FBXO38: variants seen among roughly 807,000 people sequenced by gnomAD.
FBXO38 encodes F-box only protein 38.
FBXO38 carries 53 observed loss-of-function variants against 131.9 expected under a neutral mutation model. The observed-to-expected ratio is 0.40, with a 90% CI of 0.32 to 0.51. The LOEUF (loss-of-function observed/expected upper bound fraction) is 0.51. Among genes scored for constraint, FBXO38 ranks in the 20% least tolerant of loss-of-function variants. The pLI, the probability that FBXO38 is intolerant of heterozygous loss-of-function variation, is 0.53. For missense variants in FBXO38, 1,076 were observed against 1,475.6 expected (o/e 0.73, Z 4.44); for synonymous variants, 452 against 505.6 (o/e 0.89, Z 1.42).
At chr5:148,440,894 G>A (rs1251388403) in intron 20 of FBXO38, among the ~76,000 whole-genome samples, 1 of 152,248 alleles carries the variant, frequency 6.6e-6, no homozygotes, top group Non-Finnish European at 1.5e-5. Flanking sequence ...GGAGCCAGAT[G>A]AAGATTGCTT....
At position 148,441,133 on chromosome 5, in the gene FBXO38, A is replaced by G; in HGVS notation, c.3284A>G (p.Asp1095Gly). 1 of 1,613,580 alleles carries G rather than the reference A, an allele frequency of 6.2e-7. No individual in the cohort carries two copies. The highest frequency in any genetic ancestry group is 8.5e-7 in the Non-Finnish European group (1 of 1,179,518). ...REIYTLEGVV[D>G]GAPYSMISDF... is the part of the protein sequence containing the mutation. ...TACATTTGTCTTTTAGGTGTTGTGG[A>G]TGGAGCTCCATATTCCATGATTTCT... The change falls in exon 21 of 22, where the codon GAT (aspartate) becomes GGT (glycine). Residue 1095 changes from aspartate (D) to glycine (G), a missense_variant. Asp to Gly is a moderately conservative substitution (Grantham distance 94). Around this residue, in one of 8 missense-constraint regions of FBXO38, gnomAD observed 282 missense variants for 418.8 expected, o/e 0.67. Coordinates refer to ENST00000340253, the MANE Select transcript of FBXO38 (RefSeq NM_205836.3).
intron 8 of FBXO38, among the ~76,000 whole-genome samples, chr5:148,409,802 C>T (rs1289351510): frequency 2.0e-5 from 3 of 152,114 alleles, no homozygotes; most frequent in Admixed American, 6.5e-5. Context: ...AAGCTTTTTC[C>T]ATCAAGAGAC....
intron 6 of FBXO38, 89 bp downstream of exon 6, chr5:148,404,911 A>G (rs915412031): frequency 3.5e-6 from 4 of 1,141,092 alleles, no homozygotes; most frequent in Non-Finnish European, 4.8e-6. Context: ...AAATACAATT[A>G]TATTATGCTA....
chr5:148,410,918 G>T, intron 9 of FBXO38, 153 bp downstream of exon 9: 1 of 643,960 alleles, frequency 1.6e-6, no homozygotes, highest in Non-Finnish European at 2.5e-6. Context: ...TTTTAAATTA[G>T]AAATGTCAGT....
chr5:148,401,885 G>A lies in FBXO38; in HGVS notation c.263-97G>A, dbSNP rs1203016058. 9.5e-6 allele frequency: 11 copies of A among 1,157,482 alleles called. No individual in the cohort carries two copies. The East Asian group carries it at 2.6e-4, about 28-fold the overall frequency. 71.7% of individuals were successfully genotyped at this position (1,157,482 alleles called of 1,614,324 possible). On this transcript the variant is annotated intron_variant, in intron 3 of 21. Coordinates refer to ENST00000340253, the MANE Select transcript of FBXO38 (RefSeq NM_205836.3). ...GTTAGCTTTACGGAAATTTGAAGAG[G>A]AAGTCTTTTTTAACTTTTGGTAAAA...
chr5:148,400,512 G>A (rs1007588887), intron 3 of FBXO38, among the ~76,000 whole-genome samples: 1 of 152,034 alleles, frequency 6.6e-6, no homozygotes, highest in African/African-American at 2.4e-5. Context: ...TGAGCCCAAG[G>A]CTTCCCATCT....
At chr5:148,401,558 A>G (rs1338017801) in intron 3 of FBXO38, among the ~76,000 whole-genome samples, 1 of 152,138 alleles carries the variant, frequency 6.6e-6, no homozygotes, top group African/African-American at 2.4e-5. Flanking sequence ...TCTTATTTAT[A>G]TTTTTAGTTA....
In FBXO38 at chr5:148,410,716, C is replaced by G. The variant is rs1752701033; in HGVS notation, c.1044C>G (p.Pro348=). The G allele has an allele frequency of 2.5e-6, 4 of 1,613,818 alleles. No homozygotes were observed. Among genetic ancestry groups the G allele is most frequent in the Non-Finnish European group, 3.4e-6 (4 of 1,179,932 alleles). Residue 348 remains proline (P), a synonymous_variant, in exon 9 of 22, where the codon CCC becomes CCG. Transcript: ENST00000340253. ...TAAAGATGGCAGAGTTGGAGTTTCC[C>G]CAGTTTGAAACCCTTCATCTAGGAT... is the stretch of plus-strand genomic sequence containing the variant. ...SALKMAELEF[P]QFETLHLGYV...
In FBXO38 at chr5:148,404,800, T is replaced by C; in HGVS notation, c.708T>C (p.Thr236=). 1 of 1,607,178 alleles carries C rather than the reference T, an allele frequency of 6.2e-7. No individual in the cohort carries two copies. Among genetic ancestry groups the C allele is most frequent in the Non-Finnish European group, 8.5e-7 (1 of 1,177,896 alleles). ...FKDFLCISLR[T]FVMRNCAGPT... is the part of the protein sequence containing the mutation. ...ACTTCCTTTGTATCAGCTTAAGAAC[T>C]TTCGTCATGAGGAACTGTGCAGGTA... Residue 236 remains threonine, a synonymous_variant, in exon 6 of 22, where the codon ACT becomes ACC. Coordinates refer to ENST00000340253, the MANE Select transcript of FBXO38 (RefSeq NM_205836.3).
intron 2 of FBXO38, among the ~76,000 whole-genome samples, chr5:148,396,236 G>A (rs1396726973): frequency 2.6e-5 from 4 of 152,028 alleles, no homozygotes; most frequent in Non-Finnish European, 5.9e-5. Flanking sequence ...CAGAAAAAAA[G>A]TCTGTCAGAA....
chr5:148,432,404 C>T (rs985427884), intron 15 of FBXO38, among the ~76,000 whole-genome samples: 4 of 152,134 alleles, frequency 2.6e-5, no homozygotes, highest in South Asian at 2.1e-4. Context: ...GTTTGACAGA[C>T]GAAAGATTGC....
rs944811941 is a variant in FBXO38 at position 148,387,761 on chromosome 5, G to A, written c.-64+3722G>A. 2.9e-5 allele frequency among the ~76,000 whole-genome samples: 4 copies of A among 136,830 alleles called. No individual in the cohort carries two copies. In the Admixed American group the frequency reaches 3.3e-4, roughly 11 times the overall value. 89.8% of individuals were successfully genotyped at this position (136,830 alleles called of 152,430 possible). ...GGCTCGAGTGCAGTCGTACGATCTT[G>A]GCTCACTGCAACCTCTGACACCCTG... On this transcript the variant is annotated intron_variant, in intron 1 of 21. Coordinates refer to ENST00000340253, the MANE Select transcript of FBXO38 (RefSeq NM_205836.3).
At chr5:148,400,400 C>A (rs180986266) in intron 3 of FBXO38, among the ~76,000 whole-genome samples, 1 of 152,114 alleles carries the variant, frequency 6.6e-6, no homozygotes, top group Admixed American at 6.6e-5. Context: ...GATGGCAGAA[C>A]TCCCATGTGA....
In FBXO38 at chr5:148,415,986, G is replaced by A. The variant is rs1241995179; in HGVS notation, c.1323G>A (p.Lys441=). ...ACCTAGTACGGTGCCATGCTTTGAA[G>A]CTGGACTCTTTTGGCCAGTTTATTG... The part of the protein sequence containing the change: ...DINLVRCHAL[K]LDSFGQFIEL... Residue 441 remains lysine (K), a synonymous_variant, in exon 11 of 22, where the codon AAG becomes AAA. Coordinates refer to ENST00000340253, the MANE Select transcript of FBXO38 (RefSeq NM_205836.3). 3 of 1,613,444 alleles carry A rather than the reference G, an allele frequency of 1.9e-6. No homozygotes were observed. Among genetic ancestry groups the A allele is most frequent in the Admixed American group, 3.3e-5 (2 of 59,958 alleles).
intron 1 of FBXO38, among the ~76,000 whole-genome samples, chr5:148,393,885 A>C (rs1486269845): frequency 1.3e-5 from 2 of 152,126 alleles, no homozygotes; most frequent in African/African-American, 4.8e-5. Context: ...TCAAGGTGTT[A>C]ACTCCACATG....
chr5:148,421,911 T>A (rs2113609129), intron 12 of FBXO38, among the ~76,000 whole-genome samples: 1 of 152,294 alleles, frequency 6.6e-6, no homozygotes, highest in East Asian at 1.9e-4. Context: ...GCCATTATGC[T>A]TTTTTTCTTT....
chr5:148,394,487 A>G (rs886413004), intron 1 of FBXO38, among the ~76,000 whole-genome samples: 4 of 152,138 alleles, frequency 2.6e-5, no homozygotes, highest in Non-Finnish European at 5.9e-5. Context: ...TGCTCTTTCT[A>G]AGTAATGCAT....
chr5:148,423,053 C>T (rs538136219), intron 12 of FBXO38, among the ~76,000 whole-genome samples: 6 of 152,278 alleles, frequency 3.9e-5, no homozygotes, highest in African/African-American at 9.6e-5. Context: ...TGAAATGTCA[C>T]CTTATTTCAG....
intron 1 of FBXO38, among the ~76,000 whole-genome samples, chr5:148,392,786 C>T (rs368671624): frequency 1.3e-5 from 2 of 151,944 alleles, no homozygotes; most frequent in South Asian, 2.1e-4. Flanking sequence ...GAGTGGTCAG[C>T]GGTGTCCCAT....
Sources: gnomAD v4.1 joint callset for allele counts (sites outside exome capture counted in the v4.1 genomes callset) on GRCh38, gnomAD v4.1.1 for gene constraint, gnomAD v4.1.1 regional missense constraint, MANE v1.5 for transcripts, NCBI Gene and HGNC (gene_info 2026-07-23, HGNC 2026-07-21) for gene names.